GABRB2: variants seen among roughly 807,000 people sequenced by gnomAD.
GABRB2 encodes the protein gamma-aminobutyric acid type A receptor subunit beta2, also known as gamma-aminobutyric acid receptor subunit beta-2.
In GABRB2, 16 loss-of-function variants were observed where a neutral mutation model predicts 54.7. The ratio of observed to expected loss-of-function variants is 0.29; its 90% CI spans 0.20 to 0.44. The LOEUF (loss-of-function observed/expected upper bound fraction) is 0.44. GABRB2 is among the 20% of genes least tolerant of loss of function. GABRB2 has a pLI of 1.00. For missense variants in GABRB2, 355 were observed against 644.0 expected, an observed-to-expected ratio of 0.55 and a Z score of 4.86; for synonymous variants, 244 against 233.8, an observed-to-expected ratio of 1.04 and a Z score of -0.40.
At chr5:161,501,241 T>C (rs1434564607) in intron 3 of GABRB2, among the ~76,000 whole-genome samples, 3 of 152,140 alleles carry the variant, frequency 2.0e-5, no homozygotes, top group Non-Finnish European at 4.4e-5. Flanking sequence ...AGATTTGCCT[T>C]CTAAAAGAAG....
intron 9 of GABRB2, among the ~76,000 whole-genome samples, chr5:161,306,188 C>T (rs376019726): frequency 2.0e-5 from 3 of 152,202 alleles, no homozygotes; most frequent in Middle Eastern, 3.2e-3. Context: ...GTCACTGCCT[C>T]AGTTCCAGGC....
chr5:161,488,228 GTTT>G lies in GABRB2; in HGVS notation c.238-28387_238-28385del, dbSNP rs72084883. ...CAAGTGGATTGGAGTTTTGCTTTTAGTTTTTTTTTTTTTTTTCCACTTCCTTCT... is the reference window on the plus strand; with the variant it reads ...CAAGTGGATTGGAGTTTTGCTTTTAGTTTTTTTTTTTTTCCACTTCCTTCT... On this transcript the variant is annotated intron_variant, in intron 3 of 9. Coordinates refer to ENST00000393959, the MANE Select transcript of GABRB2 (RefSeq NM_001371727.1). Among the ~76,000 whole-genome samples the G allele has an allele frequency of 3.8e-4, 53 of 141,120 alleles. 2 individuals carry two copies. The highest frequency in any genetic ancestry group is 1.5e-3 in the East Asian group (7 of 4,774). The allele number at this position is 141,120 out of a possible 152,430, so 92.6% of individuals were successfully genotyped here. A position where few individuals can be genotyped will look rare whatever the true frequency, so the allele number is the denominator to read the frequency against.
intron 7 of GABRB2, among the ~76,000 whole-genome samples, chr5:161,332,828 C>T (rs112337251): frequency 3.6e-4 from 55 of 152,014 alleles, no homozygotes; most frequent in African/African-American, 1.3e-3. Flanking sequence ...TTTTATACTC[C>T]ACCAAGAAAC....
At chr5:161,532,144 A>AT (rs1210385196) in intron 3 of GABRB2, among the ~76,000 whole-genome samples, 2 of 152,100 alleles carry the variant, frequency 1.3e-5, no homozygotes, top group African/African-American at 4.8e-5. Flanking sequence ...ATTTTGAATT[A>AT]TTTTTTACAC....
At chr5:161,344,392 G>A (rs1754257338) in intron 5 of GABRB2, among the ~76,000 whole-genome samples, 1 of 152,092 alleles carries the variant, frequency 6.6e-6, no homozygotes. Context: ...ATTAGGCTAA[G>A]AATACTGCAC....
intron 5 of GABRB2, among the ~76,000 whole-genome samples, chr5:161,409,770 T>G (rs1756453563): frequency 6.6e-6 from 1 of 152,086 alleles, no homozygotes; most frequent in Admixed American, 6.6e-5. Flanking sequence ...ATTGTAGCCG[T>G]AAGTTTAGAA....
intron 5 of GABRB2, among the ~76,000 whole-genome samples, chr5:161,341,937 TTATATATATA>T (rs1237952955): frequency 1.8e-4 from 14 of 75,694 alleles, no homozygotes; most frequent in South Asian, 5.7e-4. Flanking sequence ...ATTTTTTCTT[TTATATATATA>T]TATATATATA....
At chr5:161,316,838 C>T (rs1483965473) in intron 9 of GABRB2, among the ~76,000 whole-genome samples, 1 of 152,150 alleles carries the variant, frequency 6.6e-6, no homozygotes, top group Non-Finnish European at 1.5e-5. Flanking sequence ...TCTTGAACTC[C>T]TAACTTCAGG....
At chr5:161,362,428 T>A (rs891302970) in intron 5 of GABRB2, among the ~76,000 whole-genome samples, 1 of 152,204 alleles carries the variant, frequency 6.6e-6, no homozygotes, top group Admixed American at 6.5e-5. Flanking sequence ...TGTTTTTCCA[T>A]TTTTTTGTTC....
intron 9 of GABRB2, among the ~76,000 whole-genome samples, chr5:161,316,768 T>C (rs909139048): frequency 1.1e-4 from 16 of 152,020 alleles, no homozygotes; most frequent in African/African-American, 3.6e-4. Flanking sequence ...CCTGCCATTA[T>C]GCCTGGCTAA....
chr5:161,374,459 C>A (rs1755224712), intron 5 of GABRB2, among the ~76,000 whole-genome samples: 1 of 152,148 alleles, frequency 6.6e-6, no homozygotes, highest in Non-Finnish European at 1.5e-5. Context: ...TTCATTGAAC[C>A]CATCAGCATA....
intron 3 of GABRB2, among the ~76,000 whole-genome samples, chr5:161,515,528 T>A (rs1429048361): frequency 1.3e-5 from 2 of 152,236 alleles, no homozygotes; most frequent in African/African-American, 4.8e-5. Flanking sequence ...ATGTTTAAGG[T>A]CTGGTATGCT....
intron 3 of GABRB2, among the ~76,000 whole-genome samples, chr5:161,476,486 A>C (rs896896826): frequency 1.3e-5 from 2 of 151,808 alleles, no homozygotes; most frequent in Non-Finnish European, 1.5e-5. Context: ...CAAATAAACA[A>C]AATAATCTTG....
intron 5 of GABRB2, among the ~76,000 whole-genome samples, chr5:161,368,430 A>T (rs1486528345): frequency 2.0e-5 from 3 of 152,196 alleles, no homozygotes; most frequent in Non-Finnish European, 4.4e-5. Context: ...CCAAAGCTGT[A>T]TGATGCCCTT....
intron 5 of GABRB2, among the ~76,000 whole-genome samples, chr5:161,366,627 G>T (rs1000884213): frequency 6.6e-6 from 1 of 152,110 alleles, no homozygotes; most frequent in African/African-American, 2.4e-5. Flanking sequence ...AAAAATGCAT[G>T]AATGGTACCC....
At chr5:161,513,767 C>G (rs1452793077) in intron 3 of GABRB2, among the ~76,000 whole-genome samples, 1 of 151,858 alleles carries the variant, frequency 6.6e-6, no homozygotes, top group Non-Finnish European at 1.5e-5. Context: ...TGCACGTGCA[C>G]CTCCTGAATC....
At position 161,430,535 on chromosome 5, in the gene GABRB2, G is replaced by C. The variant is rs75033709; in HGVS notation, c.459-19478C>G. On this transcript the variant is annotated intron_variant, in intron 4 of 9. Coordinates refer to ENST00000393959, the MANE Select transcript of GABRB2 (RefSeq NM_001371727.1). ...CTAGTCTTGTAACCCAAAGAGGTCA[G>C]TTTGCTTGTCTTTAAAATGGAAATA... Among the ~76,000 whole-genome samples the C allele has an allele frequency of 2.3e-3, 355 of 152,208 alleles. 1 individual carries two copies. The highest frequency in any genetic ancestry group is 4.3e-3 in the Non-Finnish European group (291 of 67,992).
Position 161,423,501 on chromosome 5 carries a change from T to G in GABRB2, c.459-12444A>C, listed in dbSNP as rs561856849. Among the ~76,000 whole-genome samples, 6 of 152,290 alleles carry G rather than the reference T, an allele frequency of 3.9e-5. No individual in the cohort carries two copies. In the East Asian group the frequency reaches 1.2e-3, roughly 29 times the overall value. ...ATTTCAAACTTTTCAATTTTTATTA[T>G]GTCTGTCACAGTCATCTGTGATCAG... On this transcript the variant is annotated intron_variant, in intron 4 of 9. Coordinates refer to ENST00000393959, the MANE Select transcript of GABRB2 (RefSeq NM_001371727.1).
At chr5:161,467,921 A>C (rs1485594686) in intron 3 of GABRB2, among the ~76,000 whole-genome samples, 2 of 152,120 alleles carry the variant, frequency 1.3e-5, no homozygotes, top group African/African-American at 4.8e-5. Context: ...TGTTGGATAC[A>C]TGGGAATATG....
Sources: gnomAD v4.1 joint callset for allele counts (sites outside exome capture counted in the v4.1 genomes callset) on GRCh38, gnomAD v4.1.1 for gene constraint, MANE v1.5 for transcripts, NCBI Gene and HGNC (gene_info 2026-07-23, HGNC 2026-07-21) for gene names.